The following OR2T12 variants were observed in gnomAD, a reference collection of about 807,000 sequenced individuals.
OR2T12 encodes olfactory receptor family 2 subfamily T member 12.
For missense variants in OR2T12, 335 were observed against 404.3 expected, an observed-to-expected ratio of 0.83 and a Z score of 1.47; for synonymous variants, 127 against 160.5, an observed-to-expected ratio of 0.79 and a Z score of 1.58.
At chr1:248,296,286 G>C (rs1190629033) in intron 2 of OR2T12, among the ~76,000 whole-genome samples, 1 of 152,082 alleles carries the variant, frequency 6.6e-6, no homozygotes, top group Non-Finnish European at 1.5e-5. Flanking sequence ...CCAAGTCTTT[G>C]CTATTGTGAA....
rs1659602844 is a variant in OR2T12, at chr1:248,290,280, A to G, written c.*4336T>C. 6.6e-6 allele frequency: 1 copy of G among 152,152 alleles called. No individual in the cohort carries two copies. Among genetic ancestry groups the G allele is most frequent in the African/African-American group, 2.4e-5 (1 of 41,442 alleles). 9.4% of individuals were successfully genotyped at this position (152,152 alleles called of 1,614,324 possible). A position where few individuals can be genotyped will look rare whatever the true frequency, so the allele number is the denominator to read the frequency against. On this transcript the variant is annotated 3_prime_UTR_variant, in exon 3 of 3. Transcript: ENST00000641276. ...ACAAGCAATGGGGAAAGGATTCCCT[A>G]TTTAATTCCACTTATGAATGAGAAC...
Position 248,291,281 on chromosome 1 carries a change from C to A in OR2T12, c.*3335G>T, listed in dbSNP as rs1014357798. On this transcript the variant is annotated 3_prime_UTR_variant, in exon 3 of 3. Transcript: ENST00000641276. The stretch of plus-strand genomic sequence containing the variant: ...AATATCAATGTGTAAAAATCACAAG[C>A]TTTCCCATACACCAATAATAGACAG... 1.3e-5 allele frequency: 2 copies of A among 152,040 alleles called. No homozygotes were observed. Among genetic ancestry groups the A allele is most frequent in the East Asian group, 1.9e-4 (1 of 5,184 alleles). 9.4% of individuals were successfully genotyped at this position (152,040 alleles called of 1,614,324 possible).
rs1659693928 is a variant in OR2T12 at position 248,294,943 on chromosome 1, G to C, written c.636C>G (p.Ile212Met). The change falls in exon 3 of 3, where the codon ATC becomes ATG. Residue 212 changes from isoleucine to methionine, a missense_variant. By Grantham distance (10) the Ile-to-Met change is conservative. Transcript: ENST00000641276. Reference sequence around the variant, plus strand: ...CGAGGATGAGACCATAGGAGGACAGGATGAGGGAAAAGGGGACCAGGAGCA... The same window carrying C: ...CGAGGATGAGACCATAGGAGGACAGCATGAGGGAAAAGGGGACCAGGAGCA... ...VLMLLVPFSL[I>M]LSSYGLILAA... 1 of 1,611,746 alleles carries C rather than the reference G, an allele frequency of 6.2e-7. No homozygotes were observed. Among genetic ancestry groups the C allele is most frequent in the South Asian group, 1.1e-5 (1 of 90,988 alleles).
intron 2 of OR2T12, among the ~76,000 whole-genome samples, chr1:248,298,528 C>T: frequency 6.6e-6 from 1 of 151,448 alleles, no homozygotes; most frequent in Admixed American, 6.6e-5. Flanking sequence ...ACAATTTCAG[C>T]TCCTGTTATT....
chr1:248,296,314 T>C (rs1659727039), intron 2 of OR2T12, among the ~76,000 whole-genome samples: 2 of 152,314 alleles, frequency 1.3e-5, no homozygotes, highest in African/African-American at 2.4e-5. Context: ...GCAATAAACA[T>C]ATGTGTGCAT....
chr1:248,299,465 G>C (rs6687975), intron 2 of OR2T12, among the ~76,000 whole-genome samples: 119,522 of 151,286 alleles, frequency 0.79, 47,473 homozygotes, highest in South Asian at 0.88. Context: ...GTAAAGGGAT[G>C]AATTCAACAA....
At chr1:248,297,233 A>G (rs1424897993) in intron 2 of OR2T12, among the ~76,000 whole-genome samples, 1 of 151,980 alleles carries the variant, frequency 6.6e-6, no homozygotes, top group African/African-American at 2.4e-5. Flanking sequence ...TGGTACCAGT[A>G]CCTTGCTGTT....
rs537732348 is a variant in OR2T12 at position 248,293,294 on chromosome 1, T to C, written c.*1322A>G. 30 of 152,288 alleles carry C rather than the reference T, an allele frequency of 2.0e-4. No individual in the cohort carries two copies. The highest frequency in any genetic ancestry group is 3.3e-4 in the Admixed American group (5 of 15,284). The allele number at this position is 152,288 out of a possible 1,614,324, so 9.4% of individuals were successfully genotyped here. On this transcript the variant is annotated 3_prime_UTR_variant, in exon 3 of 3. Transcript: ENST00000641276. ...TTTTGAAATTCAGGTTGGTCTGAAA[T>C]GGCGGGTTAACTTTCAGACACTTAT...
chr1:248,290,203 G>T lies in OR2T12; in HGVS notation c.*4413C>A, dbSNP rs1290769990. The stretch of plus-strand genomic sequence containing the variant: ...CAGAGGCCTCATAAACAGAAAAGAG[G>T]CCTCAGAATTAATGCCATACAACCA... On this transcript the variant is annotated 3_prime_UTR_variant, in exon 3 of 3. Coordinates refer to ENST00000641276, the MANE Select transcript of OR2T12 (RefSeq NM_001004692.2). 6.6e-6 allele frequency: 1 copy of T among 151,962 alleles called. No homozygotes were observed. Among genetic ancestry groups the T allele is most frequent in the Non-Finnish European group, 1.5e-5 (1 of 68,008 alleles). 9.4% of individuals were successfully genotyped at this position (151,962 alleles called of 1,614,324 possible).
rs1004052072 is a variant in OR2T12, at chr1:248,294,464, C to T, written c.*152G>A. 4.1e-6 allele frequency: 4 copies of T among 980,528 alleles called. No individual in the cohort carries two copies. The African/African-American group carries it at 5.0e-5, about 12-fold the overall frequency. The allele number at this position is 980,528 out of a possible 1,614,324, so 60.7% of individuals were successfully genotyped here. A position where few individuals can be genotyped will look rare whatever the true frequency, so the allele number is the denominator to read the frequency against. On this transcript the variant is annotated 3_prime_UTR_variant, in exon 3 of 3. Transcript: ENST00000641276. The stretch of plus-strand genomic sequence containing the variant: ...GTACATAAATGCTCAAAAATGGTAT[C>T]TGTCAATACAATTGGCTCACTTCAT...
Position 248,293,930 on chromosome 1 carries a change from T to TA in OR2T12, c.*685dup, listed in dbSNP as rs1558275926. On this transcript the variant is annotated 3_prime_UTR_variant, in exon 3 of 3. Transcript: ENST00000641276. ...CCAAATAAAAAGAGACTGGAAAAAA[T>TA]AAAAAAAGATTGTGACAATATAGCA... is the stretch of plus-strand genomic sequence containing the variant. 2 of 151,780 alleles carry TA rather than the reference T, an allele frequency of 1.3e-5. No homozygotes were observed. The highest frequency in any genetic ancestry group is 2.9e-5 in the Non-Finnish European group (2 of 67,902). 9.4% of individuals were successfully genotyped at this position (151,780 alleles called of 1,614,324 possible). A position where few individuals can be genotyped will look rare whatever the true frequency, so the allele number is the denominator to read the frequency against.
intron 2 of OR2T12, among the ~76,000 whole-genome samples, chr1:248,300,751 T>A (rs950738369): frequency 6.6e-6 from 1 of 152,194 alleles, no homozygotes; most frequent in Admixed American, 6.5e-5. Flanking sequence ...ATTTCCACCA[T>A]AATTTGTCTT....
rs1374248179 is a variant in OR2T12, at chr1:248,293,910, T to C, written c.*706A>G. 4 of 152,022 alleles carry C rather than the reference T, an allele frequency of 2.6e-5. No individual in the cohort carries two copies. Among genetic ancestry groups the C allele is most frequent in the Non-Finnish European group, 4.4e-5 (3 of 67,932 alleles). The allele number at this position is 152,022 out of a possible 1,614,324, so 9.4% of individuals were successfully genotyped here. A position where few individuals can be genotyped will look rare whatever the true frequency, so the allele number is the denominator to read the frequency against. ...AAAAAGTTTGCCTTAAAACACCAAA[T>C]AAAAAGAGACTGGAAAAAATAAAAA... On this transcript the variant is annotated 3_prime_UTR_variant, in exon 3 of 3. Transcript: ENST00000641276.
intron 1 of OR2T12, among the ~76,000 whole-genome samples, chr1:248,302,505 A>G (rs181302876): frequency 6.4e-4 from 97 of 152,312 alleles, no homozygotes; most frequent in African/African-American, 2.2e-3. Flanking sequence ...AATATTTTAA[A>G]GCATTTTACA....
intron 2 of OR2T12, among the ~76,000 whole-genome samples, chr1:248,297,693 T>C (rs58279556): frequency 0.024 from 3,676 of 151,298 alleles, 161 homozygotes; most frequent in African/African-American, 0.084. Context: ...TTTTTGTACA[T>C]TGATTTTGTA....
rs368194943 is a variant in OR2T12 at position 248,294,605 on chromosome 1, C to G, written c.*11G>C. ...AATAAATTCAGGAACTTAGACTCAT[C>G]TGACACTAGATCATCTTGACCTGTG... On this transcript the variant is annotated 3_prime_UTR_variant, in exon 3 of 3. Transcript: ENST00000641276. 2 of 1,610,992 alleles carry G rather than the reference C, an allele frequency of 1.2e-6. No homozygotes were observed. The highest frequency in any genetic ancestry group is 1.7e-6 in the Non-Finnish European group (2 of 1,178,468).
chr1:248,296,020 A>G (rs1181105076), intron 2 of OR2T12, among the ~76,000 whole-genome samples: 1 of 110,136 alleles, frequency 9.1e-6, no homozygotes, highest in African/African-American at 3.5e-5. Flanking sequence ...CAACCCCACA[A>G]CAGTCCCGAG....
At chr1:248,301,590 T>C (rs967968363) in intron 1 of OR2T12, 37 bp from the exon 2 acceptor site, 1 of 152,102 alleles carries the variant, frequency 6.6e-6, no homozygotes. Context: ...GTTTCAATAC[T>C]GTACTAAAGG....
intron 2 of OR2T12, among the ~76,000 whole-genome samples, chr1:248,297,491 G>T (rs1046610586): frequency 7.2e-5 from 11 of 152,072 alleles, no homozygotes; most frequent in Non-Finnish European, 1.5e-4. Flanking sequence ...CATGAGCATG[G>T]AATGTTCTTC....
Sources: allele counts gnomAD v4.1 joint callset (sites outside exome capture counted in the v4.1 genomes callset), GRCh38; gene constraint gnomAD v4.1.1; transcripts MANE v1.5; gene names NCBI Gene and HGNC (gene_info 2026-07-23, HGNC 2026-07-21).